The following XKR4 variants were observed in gnomAD, a reference collection of about 807,000 sequenced individuals.
XKR4 encodes XK-related protein 4.
Under a neutral mutation model 53.9 loss-of-function variants are expected in XKR4, and 12 were observed. That is an observed-to-expected ratio of 0.22 (90% CI 0.14 to 0.36). The LOEUF (loss-of-function observed/expected upper bound fraction) is 0.36. XKR4 is among the 10% of genes least tolerant of loss of function. The probability of loss-of-function intolerance (pLI) is 1.00; values close to 1 mark genes in which losing one functional copy is unlikely to be tolerated. For synonymous variants in XKR4, 354 were observed against 362.4 expected, an observed-to-expected ratio of 0.98 and a Z score of 0.26; for missense variants, 799 against 859.5, an observed-to-expected ratio of 0.93 and a Z score of 0.88.
chr8:55,524,030 C>G lies in XKR4; in HGVS notation c.1756C>G (p.Arg586Gly), dbSNP rs768398498. 4 of 1,614,040 alleles carry G rather than the reference C, an allele frequency of 2.5e-6. No homozygotes were observed. The highest frequency in any genetic ancestry group is 3.4e-6 in the Non-Finnish European group (4 of 1,180,042). Residue 586 changes from arginine to glycine, a missense_variant, in exon 3 of 3, where the codon CGC (arginine) becomes GGC (glycine). Physicochemically the swap from Arg to Gly is moderately radical, Grantham distance 125. This residue lies in a region of XKR4 where 269 missense variants were observed against 264.4 expected (regional missense o/e 1.02). Transcript: ENST00000327381. ...RPTAPSTPSS[R>G]PPRIEESVIK... ...CACTGCCCCATCCACCCCATCATCT[C>G]GCCCACCACGGATTGAAGAATCAGT...
chr8:55,327,003 C>T (rs920522577), intron 1 of XKR4, among the ~76,000 whole-genome samples: 2 of 151,934 alleles, frequency 1.3e-5, no homozygotes, highest in African/African-American at 2.4e-5. Flanking sequence ...TCATCTTATT[C>T]GAGAAAAAGA....
At chr8:55,520,614 G>C (rs1337865494) in intron 2 of XKR4, among the ~76,000 whole-genome samples, 1 of 152,202 alleles carries the variant, frequency 6.6e-6, no homozygotes, top group East Asian at 1.9e-4. Flanking sequence ...AAAGGAAGAA[G>C]AGAAATTCTC....
At chr8:55,349,934 A>G (rs1337414452) in intron 1 of XKR4, among the ~76,000 whole-genome samples, 3 of 152,180 alleles carry the variant, frequency 2.0e-5, no homozygotes, top group African/African-American at 7.2e-5. Flanking sequence ...AAAAATAACA[A>G]TGACACATGA....
At chr8:55,300,260 C>T (rs1309736660) in intron 1 of XKR4, among the ~76,000 whole-genome samples, 1 of 152,002 alleles carries the variant, frequency 6.6e-6, no homozygotes, top group South Asian at 2.1e-4. Flanking sequence ...ATAGATGAGC[C>T]TGAAAGATGA....
chr8:55,109,471 A>T (rs1816203184), intron 1 of XKR4, among the ~76,000 whole-genome samples: 1 of 152,126 alleles, frequency 6.6e-6, no homozygotes, highest in East Asian at 1.9e-4. Flanking sequence ...TCCATATGCC[A>T]CCCCTGAGTG....
intron 2 of XKR4, among the ~76,000 whole-genome samples, chr8:55,411,069 C>T (rs150866067): frequency 6.6e-6 from 1 of 152,346 alleles, no homozygotes; most frequent in Non-Finnish European, 1.5e-5. Context: ...ATTGCCTTTA[C>T]CCCTATTTAG....
intron 1 of XKR4, among the ~76,000 whole-genome samples, chr8:55,335,948 T>G (rs573191013): frequency 6.7e-6 from 1 of 149,674 alleles, no homozygotes; most frequent in African/African-American, 2.5e-5. Flanking sequence ...ATGGGTAGCA[T>G]AATTGAGTTA....
chr8:55,222,124 T>G (rs2129365506), intron 1 of XKR4, among the ~76,000 whole-genome samples: 1 of 152,346 alleles, frequency 6.6e-6, no homozygotes, highest in East Asian at 1.9e-4. Context: ...TTAAGACTTT[T>G]GTCCTGGTAC....
At chr8:55,412,104 G>C (rs1400572441) in intron 2 of XKR4, among the ~76,000 whole-genome samples, 1 of 152,170 alleles carries the variant, frequency 6.6e-6, no homozygotes, top group Non-Finnish European at 1.5e-5. Flanking sequence ...GGGGCATCAG[G>C]GTGGACGCTG....
intron 1 of XKR4, among the ~76,000 whole-genome samples, chr8:55,188,944 G>A (rs1817411390): frequency 6.6e-6 from 1 of 152,140 alleles, no homozygotes; most frequent in African/African-American, 2.4e-5. Context: ...TATTCAGCTG[G>A]AAGATATGGA....
chr8:55,359,557 A>C (rs1803870314), intron 2 of XKR4, among the ~76,000 whole-genome samples: 2 of 152,234 alleles, frequency 1.3e-5, no homozygotes, highest in African/African-American at 4.8e-5. Context: ...GCAACTCCTT[A>C]GTATAATTAT....
intron 2 of XKR4, among the ~76,000 whole-genome samples, chr8:55,474,446 C>T (rs1805944465): frequency 6.6e-6 from 1 of 152,136 alleles, no homozygotes; most frequent in Non-Finnish European, 1.5e-5. Context: ...CACACATATA[C>T]ACACAAAGTC....
rs146542807 is a variant in XKR4, at chr8:55,147,871, A to G, written c.806+44577A>G. 4.3e-3 allele frequency among the ~76,000 whole-genome samples: 658 copies of G among 152,316 alleles called. 17 individuals are homozygous for G. The highest frequency in any genetic ancestry group is 0.037 in the Admixed American group (563 of 15,298). ...ACCAGATGAATGACATAAACCAAGAAAAAGAAGGCTATGACATCTGTGAGC... is the reference window on the plus strand; with the variant it reads ...ACCAGATGAATGACATAAACCAAGAGAAAGAAGGCTATGACATCTGTGAGC... On this transcript the variant is annotated intron_variant, in intron 1 of 2. Transcript: ENST00000327381.
chr8:55,486,538 T>A (rs761200617), intron 2 of XKR4, among the ~76,000 whole-genome samples: 8 of 152,216 alleles, frequency 5.3e-5, no homozygotes, highest in Non-Finnish European at 1.2e-4. Flanking sequence ...AACACAAAGA[T>A]GATATATATG....
At chr8:55,205,975 G>A (rs72486669) in intron 1 of XKR4, among the ~76,000 whole-genome samples, 1 of 152,168 alleles carries the variant, frequency 6.6e-6, no homozygotes, top group Non-Finnish European at 1.5e-5. Flanking sequence ...CAGGAGTCAA[G>A]CCACAGACCT....
chr8:55,432,766 A>C (rs1212772498), intron 2 of XKR4, among the ~76,000 whole-genome samples: 1 of 132,900 alleles, frequency 7.5e-6, no homozygotes, highest in Non-Finnish European at 1.7e-5. Flanking sequence ...ACTTTTTCCC[A>C]AAAAAGTCTA....
chr8:55,277,904 AT>A lies in XKR4; in HGVS notation c.807-79773del, dbSNP rs543976458. The stretch of plus-strand genomic sequence containing the variant: ...ACCTTCAAAATGTCAAAATAAAAAA[AT>A]ATGTGAATATTTATCATTATTGCTT... On this transcript the variant is annotated intron_variant, in intron 1 of 2. Coordinates refer to ENST00000327381, the MANE Select transcript of XKR4 (RefSeq NM_052898.2). 1.2e-4 allele frequency among the ~76,000 whole-genome samples: 18 copies of A among 152,362 alleles called. No homozygotes were observed. The East Asian group carries it at 1.4e-3, about 11-fold the overall frequency.
At chr8:55,386,929 C>T (rs1682246641) in intron 2 of XKR4, among the ~76,000 whole-genome samples, 1 of 152,164 alleles carries the variant, frequency 6.6e-6, no homozygotes, top group Admixed American at 6.5e-5. Flanking sequence ...ATGTCTATTG[C>T]TTGTGCAGTT....
chr8:55,447,343 A>G (rs902721192), intron 2 of XKR4, among the ~76,000 whole-genome samples: 1 of 152,226 alleles, frequency 6.6e-6, no homozygotes, highest in East Asian at 1.9e-4. Flanking sequence ...AGTTGAGATC[A>G]CAGAAGGTAG....
Sources: gnomAD v4.1 joint callset for allele counts (sites outside exome capture counted in the v4.1 genomes callset) on GRCh38, gnomAD v4.1.1 for gene constraint, gnomAD v4.1.1 regional missense constraint, MANE v1.5 for transcripts, NCBI Gene and HGNC (gene_info 2026-07-23, HGNC 2026-07-21) for gene names.